Variants in TLR6 observed in about 807,000 individuals in gnomAD.
TLR6 encodes the protein toll-like receptor 6.
A neutral mutation model predicts 16.1 loss-of-function variants in TLR6; 9 were observed. The observed-to-expected ratio is 0.56, with a 90% CI of 0.34 to 0.98. The LOEUF is 0.98. Among genes scored for constraint, TLR6 ranks in the 50% least tolerant of loss-of-function variants. TLR6 has a pLI of 0.02. For missense variants in TLR6, 786 were observed against 921.0 expected (o/e 0.85, Z 1.90); for synonymous variants, 340 against 338.6 (o/e 1.00, Z -0.04).
chr4:38,849,019 A>G (rs1264312245), intron 1 of TLR6, among the ~76,000 whole-genome samples: 2 of 152,234 alleles, frequency 1.3e-5, no homozygotes, highest in Admixed American at 6.5e-5. Context: ...TGTTAAGGGC[A>G]GCCAGAGAGA....
At chr4:38,849,561 C>T (rs1712682018) in intron 1 of TLR6, among the ~76,000 whole-genome samples, 1 of 151,710 alleles carries the variant, frequency 6.6e-6, no homozygotes, top group South Asian at 2.1e-4. Context: ...CACATAGGCT[C>T]AAAATAAAGG....
chr4:38,827,656 G>A (rs147824266), exon 2 of TLR6: 13 of 1,614,224 alleles, frequency 8.1e-6, no homozygotes, highest in Non-Finnish European at 9.3e-6. Flanking sequence ...CCAAGTAGAT[G>A]CAGAGGGAGG....
At chr4:38,854,330 A>C (rs1424734396) in intron 1 of TLR6, among the ~76,000 whole-genome samples, 2 of 152,214 alleles carry the variant, frequency 1.3e-5, no homozygotes, top group African/African-American at 4.8e-5. Context: ...ATTAGATGCT[A>C]TTAAGAAATA....
the TLR6 span, among the ~76,000 whole-genome samples, chr4:38,864,768 T>G: frequency 1.5e-4 from 23 of 152,268 alleles, no homozygotes; most frequent in African/African-American, 5.3e-4. Context: ...TCCCAGTACT[T>G]TAGGAGGCTG....
chr4:38,867,065 T>C, the TLR6 span, among the ~76,000 whole-genome samples: 1 of 152,254 alleles, frequency 6.6e-6, no homozygotes, highest in Admixed American at 6.5e-5. Flanking sequence ...TTAAGCCATA[T>C]TTGAGGAAGG....
intron 1 of TLR6, among the ~76,000 whole-genome samples, chr4:38,853,710 C>T (rs756992653): frequency 3.7e-4 from 57 of 152,306 alleles, no homozygotes; most frequent in East Asian, 1.9e-4. Context: ...CTCATGCCAT[C>T]CTCTCACCTC....
intron 1 of TLR6, among the ~76,000 whole-genome samples, chr4:38,836,502 A>G (rs1711926258): frequency 1.3e-5 from 2 of 152,232 alleles, no homozygotes; most frequent in Admixed American, 1.3e-4. Flanking sequence ...TTTCCCAACA[A>G]AGAAAATCTC....
exon 2 of TLR6, chr4:38,825,731 C>T (rs1727513561): frequency 6.6e-6 from 1 of 152,184 alleles, no homozygotes; most frequent in African/African-American, 2.4e-5. Context: ...AACAGGCTAC[C>T]CTGTTGGCTG....
At chr4:38,850,184 G>A (rs1482100223) in intron 1 of TLR6, among the ~76,000 whole-genome samples, 2 of 152,104 alleles carry the variant, frequency 1.3e-5, no homozygotes, top group African/African-American at 4.8e-5. Flanking sequence ...AAACCAGCGA[G>A]GACAAAGACA....
At chr4:38,825,660 CCA>C (rs1205741606) in exon 2 of TLR6, 1 of 152,528 alleles carries the variant, frequency 6.6e-6, no homozygotes, top group African/African-American at 2.4e-5. Context: ...GCAGCAACCT[CCA>C]CCCCAAACCC....
At chr4:38,827,287 A>G in exon 2 of TLR6, 1 of 1,614,186 alleles carries the variant, frequency 6.2e-7, no homozygotes, top group Non-Finnish European at 8.5e-7. Flanking sequence ...GGATTAAGTT[A>G]TTAGATCCTT....
At chr4:38,837,383 A>G (rs888441369) in intron 1 of TLR6, among the ~76,000 whole-genome samples, 3 of 152,226 alleles carry the variant, frequency 2.0e-5, no homozygotes, top group Admixed American at 1.3e-4. Context: ...ACAGATACAT[A>G]GACCAATAGA....
chr4:38,862,886 C>T, the TLR6 span, among the ~76,000 whole-genome samples: 1 of 147,066 alleles, frequency 6.8e-6, no homozygotes, highest in Non-Finnish European at 1.5e-5. Flanking sequence ...TGAACCACTA[C>T]ACCCGGCCCC....
At chr4:38,854,591 G>A (rs1712896592) in intron 1 of TLR6, among the ~76,000 whole-genome samples, 1 of 152,054 alleles carries the variant, frequency 6.6e-6, no homozygotes. Flanking sequence ...TTGGTAGGTG[G>A]AAACTAAAAT....
Position 38,845,387 on chromosome 4 carries a change from T to C in TLR6, c.-65+11374A>G, listed in dbSNP as rs1055232797. ...GTTACATGGCAAAGGAAAATTAATG[T>C]TGTGGATGAAATTATAGTTGCTAAT... On this transcript the variant is annotated intron_variant, in intron 1 of 1. Coordinates refer to ENST00000436693, the Ensembl canonical transcript of TLR6. Among the ~76,000 whole-genome samples the C allele has an allele frequency of 5.9e-5, 9 of 152,316 alleles. No individual in the cohort carries two copies. The East Asian group carries it at 1.7e-3, about 29-fold the overall frequency.
chr4:38,845,040 CA>C (rs1440054879), intron 1 of TLR6, among the ~76,000 whole-genome samples: 11 of 152,176 alleles, frequency 7.2e-5, no homozygotes, highest in African/African-American at 1.2e-4. Flanking sequence ...GCCTGGGTGA[CA>C]AAACCACATT....
chr4:38,832,267 T>C (rs1711648007), intron 1 of TLR6, among the ~76,000 whole-genome samples: 1 of 152,180 alleles, frequency 6.6e-6, no homozygotes, highest in African/African-American at 2.4e-5. Context: ...TAATCACACA[T>C]TGAATGAGCA....
At chr4:38,834,350 G>C (rs11489109) in intron 1 of TLR6, among the ~76,000 whole-genome samples, 7 of 120,996 alleles carry the variant, frequency 5.8e-5, no homozygotes, top group Non-Finnish European at 1.2e-4. Context: ...CCAGTGAGGC[G>C]AAAAAAAAAA....
chr4:38,845,664 G>C (rs1457175690), intron 1 of TLR6, among the ~76,000 whole-genome samples: 2 of 152,230 alleles, frequency 1.3e-5, no homozygotes, highest in Non-Finnish European at 2.9e-5. Context: ...AAAGAATGCA[G>C]CCTTGCCAGT....
Sources: gnomAD v4.1 joint callset for allele counts (sites outside exome capture counted in the v4.1 genomes callset) on GRCh38, gnomAD v4.1.1 for gene constraint, MANE v1.5 for transcripts, NCBI Gene and HGNC (gene_info 2026-07-23, HGNC 2026-07-21) for gene names.